MECOM: variants seen among roughly 807,000 people sequenced by gnomAD.
The protein encoded by MECOM is MDS1 and EVI1 complex locus, also known as histone-lysine N-methyltransferase MECOM.
In MECOM, 13 loss-of-function variants were observed where a neutral mutation model predicts 116.3. The ratio of observed to expected loss-of-function variants is 0.11; its 90% CI spans 0.07 to 0.18. The LOEUF (loss-of-function observed/expected upper bound fraction) is 0.18, where lower values mean the gene tolerates loss of function less well. MECOM is among the 10% of genes least tolerant of loss of function. MECOM has a pLI of 1.00. For synonymous variants in MECOM, 528 were observed against 535.2 expected (o/e 0.99, Z 0.19); for missense variants, 1,299 against 1,509.0 (o/e 0.86, Z 2.31).
chr3:169,485,914 T>TGTATATATA (rs1491581642), intron 1 of MECOM, among the ~76,000 whole-genome samples: 1 of 61,886 alleles, frequency 1.6e-5, no homozygotes, highest in African/African-American at 6.8e-5. Context: ...TATATATGTA[T>TGTATATATA]GTATATATAG....
At chr3:169,557,997 T>A (rs1274141536) in intron 1 of MECOM, among the ~76,000 whole-genome samples, 3 of 152,352 alleles carry the variant, frequency 2.0e-5, no homozygotes, top group African/African-American at 7.2e-5. Flanking sequence ...AAGCTGGTCA[T>A]ACAAATACAT....
intron 2 of MECOM, among the ~76,000 whole-genome samples, chr3:169,166,234 G>A (rs1196489833): frequency 1.3e-5 from 2 of 152,116 alleles, no homozygotes. Flanking sequence ...TGTGGTGGCT[G>A]TAGAAAACAA....
intron 1 of MECOM, among the ~76,000 whole-genome samples, chr3:169,589,239 A>T (rs1286027221): frequency 6.6e-6 from 1 of 152,096 alleles, no homozygotes; most frequent in East Asian, 1.9e-4. Flanking sequence ...TTAAATGAAG[A>T]TGGAGAAGAA....
intron 2 of MECOM, among the ~76,000 whole-genome samples, chr3:169,167,718 C>T (rs946724874): frequency 2.0e-5 from 3 of 151,964 alleles, no homozygotes; most frequent in Admixed American, 6.6e-5. Flanking sequence ...ACATGTAACC[C>T]TAATATAGAA....
At chr3:169,353,147 G>C (rs1177043920) in intron 2 of MECOM, among the ~76,000 whole-genome samples, 1 of 151,804 alleles carries the variant, frequency 6.6e-6, no homozygotes, top group Non-Finnish European at 1.5e-5. Flanking sequence ...CCTAAGCATG[G>C]CCAAAGGATT....
intron 1 of MECOM, among the ~76,000 whole-genome samples, chr3:169,498,657 G>A (rs1454475840): frequency 6.6e-6 from 1 of 152,050 alleles, no homozygotes; most frequent in Non-Finnish European, 1.5e-5. Context: ...TTACCATACA[G>A]GGAAGAATGA....
intron 1 of MECOM, among the ~76,000 whole-genome samples, chr3:169,413,068 TG>T (rs1222168923): frequency 1.3e-5 from 2 of 152,240 alleles, no homozygotes; most frequent in African/African-American, 2.4e-5. Context: ...CTGGGCAAGA[TG>T]GCCGAATAGA....
chr3:169,538,018 G>A (rs200047329), intron 1 of MECOM, among the ~76,000 whole-genome samples: 1 of 152,162 alleles, frequency 6.6e-6, no homozygotes, highest in East Asian at 1.9e-4. Context: ...TGATACCTGG[G>A]GTCCTACCCT....
At chr3:169,531,130 A>G (rs1364333636) in intron 1 of MECOM, among the ~76,000 whole-genome samples, 2 of 152,110 alleles carry the variant, frequency 1.3e-5, no homozygotes, top group East Asian at 3.9e-4. Context: ...CCTTCCCACC[A>G]TCATCACCTG....
intron 1 of MECOM, among the ~76,000 whole-genome samples, chr3:169,446,880 G>C (rs1040405062): frequency 1.3e-5 from 2 of 152,114 alleles, no homozygotes; most frequent in Admixed American, 6.5e-5. Flanking sequence ...GCTTGTTCAG[G>C]GGGTGCACCA....
At chr3:169,346,287 T>C (rs1725334365) in intron 2 of MECOM, among the ~76,000 whole-genome samples, 1 of 152,108 alleles carries the variant, frequency 6.6e-6, no homozygotes, top group Non-Finnish European at 1.5e-5. Context: ...ATTTATTCTG[T>C]TTTCATTATG....
intron 1 of MECOM, among the ~76,000 whole-genome samples, chr3:169,583,767 ATTTT>A: frequency 7.3e-6 from 1 of 137,360 alleles, no homozygotes; most frequent in South Asian, 2.4e-4. Flanking sequence ...CGTCTGGCTA[ATTTT>A]TTTTTTTTTT....
chr3:169,543,114 AAG>A (rs1252689427), intron 1 of MECOM, among the ~76,000 whole-genome samples: 1 of 152,250 alleles, frequency 6.6e-6, no homozygotes, highest in African/African-American at 2.4e-5. Context: ...AAAAGGGAAA[AAG>A]AGGAAATCAA....
chr3:169,232,336 T>G (rs1383738609), intron 2 of MECOM, among the ~76,000 whole-genome samples: 1 of 152,084 alleles, frequency 6.6e-6, no homozygotes, highest in East Asian at 1.9e-4. Context: ...GCTCCACCAC[T>G]GTTACCTATT....
chr3:169,585,727 A>G (rs954000989), intron 1 of MECOM, among the ~76,000 whole-genome samples: 18 of 152,322 alleles, frequency 1.2e-4, no homozygotes, highest in African/African-American at 4.1e-4. Context: ...AGGGAGTTTT[A>G]TCTGCTTTGT....
rs1253581333 is a variant in MECOM, at chr3:169,663,608, C to A, written c.-236G>T. The A allele has an allele frequency of 1.7e-6, 1 of 582,256 alleles. No homozygotes were observed. The highest frequency in any genetic ancestry group is 1.9e-5 in the African/African-American group (1 of 53,114). 36.1% of individuals were successfully genotyped at this position (582,256 alleles called of 1,614,324 possible). ...TGTATTTTCTTCTTTCACTCTCTCT[C>A]CCTCCCTCTCTCCCTTTCTCTCAAT... On this transcript the variant is annotated 5_prime_UTR_variant, in exon 1 of 17. Transcript: ENST00000651503.
At chr3:169,503,534 G>A (rs898330899) in intron 1 of MECOM, among the ~76,000 whole-genome samples, 9 of 152,228 alleles carry the variant, frequency 5.9e-5, no homozygotes, top group South Asian at 2.1e-4. Context: ...TTTCTTTTAG[G>A]TTTACAAAGA....
chr3:169,537,719 A>T (rs569967389), intron 1 of MECOM, among the ~76,000 whole-genome samples: 32 of 61,234 alleles, frequency 5.2e-4, no homozygotes, highest in Non-Finnish European at 8.8e-4. Flanking sequence ...CAGAACATTT[A>T]AAAAAAAAAA....
intron 2 of MECOM, among the ~76,000 whole-genome samples, chr3:169,179,527 A>G (rs536050677): frequency 6.6e-6 from 1 of 152,324 alleles, no homozygotes; most frequent in South Asian, 2.1e-4. Context: ...TTGACCTCTA[A>G]AACAATAGGT....
Sources: allele counts gnomAD v4.1 joint callset (sites outside exome capture counted in the v4.1 genomes callset), GRCh38; gene constraint gnomAD v4.1.1; transcripts MANE v1.5; gene names NCBI Gene and HGNC (gene_info 2026-07-23, HGNC 2026-07-21).